Variants in CDH23 observed in about 807,000 individuals in gnomAD.
CDH23 encodes the protein cadherin related 23, also known as cadherin-23.
CDH23 carries 189 observed loss-of-function variants against 317.1 expected under a neutral mutation model. The ratio of observed to expected loss-of-function variants is 0.60; its 90% CI spans 0.53 to 0.67. CDH23 has a LOEUF of 0.67. CDH23 is among the 30% of genes least tolerant of loss of function. The pLI is 0.00. For synonymous variants in CDH23, 1,839 were observed against 1,876.8 expected, an observed-to-expected ratio of 0.98 and a Z score of 0.52; for missense variants, 4,401 against 4,592.4, an observed-to-expected ratio of 0.96 and a Z score of 1.20.
intron 38 of CDH23, among the ~76,000 whole-genome samples, chr10:71,764,138 G>A (rs1840469849): frequency 6.6e-6 from 1 of 152,234 alleles, no homozygotes; most frequent in Non-Finnish European, 1.5e-5. Context: ...CAAAGTTCCA[G>A]AGGGTATGAT....
intron 21 of CDH23, among the ~76,000 whole-genome samples, chr10:71,694,703 GGAAC>G (rs1263241021): frequency 6.6e-6 from 1 of 152,120 alleles, no homozygotes; most frequent in Non-Finnish European, 1.5e-5. Context: ...GAAAGCTAGA[GGAAC>G]GAAACGTGGG....
At chr10:71,498,638 G>A (rs1329617083) in intron 3 of CDH23, among the ~76,000 whole-genome samples, 2 of 152,248 alleles carry the variant, frequency 1.3e-5, no homozygotes, top group Non-Finnish European at 2.9e-5. Context: ...GATGTCAACA[G>A]GAGGGTCACT....
intron 3 of CDH23, among the ~76,000 whole-genome samples, chr10:71,483,573 A>G (rs1852183853): frequency 6.6e-6 from 1 of 152,030 alleles, no homozygotes; most frequent in African/African-American, 2.4e-5. Flanking sequence ...ACTAGCTCCC[A>G]CGTGCAAGTG....
In CDH23 at chr10:71,777,703, C is replaced by G; in HGVS notation, c.4869C>G (p.Thr1623=). The G allele has an allele frequency of 6.2e-7, 1 of 1,612,828 alleles. No individual in the cohort carries two copies. The highest frequency in any genetic ancestry group is 1.3e-5 in the African/African-American group (1 of 74,988). Residue 1623 remains threonine, a synonymous_variant, in exon 39 of 70, where the codon ACC becomes ACG. Transcript: ENST00000224721. Reference sequence around the variant, plus strand: ...AGGCCACCACGCACGTGTACGTGACCATTGTGGATGAGAATGATAACGCGC... The same window carrying G: ...AGGCCACCACGCACGTGTACGTGACGATTGTGGATGAGAATGATAACGCGC... ...TLSATTHVYV[T]IVDENDNAPM... is the part of the protein sequence containing the mutation.
chr10:71,799,684 G>C, intron 52 of CDH23, 55 bp downstream of exon 52: 2 of 1,611,714 alleles, frequency 1.2e-6, no homozygotes, highest in Non-Finnish European at 1.7e-6. Flanking sequence ...CAGGGTCAGA[G>C]ACTGAGCAGC....
chr10:71,554,429 C>A (rs973429600), intron 6 of CDH23, among the ~76,000 whole-genome samples: 14 of 151,640 alleles, frequency 9.2e-5, no homozygotes, highest in Non-Finnish European at 1.3e-4. Flanking sequence ...AACTCCTGGG[C>A]TCTAGCAATC....
chr10:71,780,658 T>C (rs1046880254), intron 41 of CDH23, among the ~76,000 whole-genome samples: 1 of 152,184 alleles, frequency 6.6e-6, no homozygotes, highest in African/African-American at 2.4e-5. Flanking sequence ...GCGTGGCTTT[T>C]GCTCTGAGGT....
In CDH23 at chr10:71,773,635, G is replaced by A. The variant is rs374723335; in HGVS notation, c.4846-4045G>A. Reference sequence around the variant, plus strand: ...GGGGAACTGCCTCTCCGAGGGCCGCGTGGGAGGGGCTTCCCGGAGGCCGGC... The same window carrying A: ...GGGGAACTGCCTCTCCGAGGGCCGCATGGGAGGGGCTTCCCGGAGGCCGGC... On this transcript the variant is annotated intron_variant, in intron 38 of 69. Transcript: ENST00000224721. 5.7e-5 allele frequency: 27 copies of A among 475,106 alleles called. No homozygotes were observed. The East Asian group carries it at 9.8e-4, about 17-fold the overall frequency. The allele number at this position is 475,106 out of a possible 1,614,324, so 29.4% of individuals were successfully genotyped here.
rs150040965 is a variant in CDH23 at position 71,578,686 on chromosome 10, A to G, written c.832+694A>G. On this transcript the variant is annotated intron_variant, in intron 9 of 69. Transcript: ENST00000224721. ...AAGGTTGCCTTGAGGATGTGGTGAC[A>G]GGCTGCTCGCCCACAGACTCTGGCT... Among the ~76,000 whole-genome samples the G allele has an allele frequency of 8.6e-3, 1,303 of 151,172 alleles. 17 individuals carry two copies. Among genetic ancestry groups the G allele is most frequent in the African/African-American group, 0.029 (1,194 of 41,020 alleles).
chr10:71,578,086 G>T, intron 9 of CDH23, 94 bp downstream of exon 9: 1 of 1,274,738 alleles, frequency 7.8e-7, no homozygotes, highest in Non-Finnish European at 1.1e-6. Flanking sequence ...GCTAAGGAGA[G>T]GTCTGCGGGC....
rs1865885471 is a variant in CDH23 at position 71,709,116 on chromosome 10, A to T, written c.3125A>T (p.Lys1042Met). 6 of 1,613,874 alleles carry T rather than the reference A, an allele frequency of 3.7e-6. No homozygotes were observed. In the East Asian group the frequency reaches 1.3e-4, roughly 36 times the overall value. Residue 1042 changes from lysine to methionine, a missense_variant, in exon 27 of 70, where the codon AAG (lysine) becomes ATG (methionine). This residue lies in a region of CDH23 where 3,068 missense variants were observed against 3,203.3 expected (regional missense o/e 0.96). Transcript: ENST00000224721. ...CCCACAGGTGGCAACGTGGATGGGAAGTTCAGCGTGGGTTACCGCGATGCC... is the reference window on the plus strand; with the variant it reads ...CCCACAGGTGGCAACGTGGATGGGATGTTCAGCGTGGGTTACCGCGATGCC... ...YFITGGNVDG[K>M]FSVGYRDAVV...
At chr10:71,398,866 G>A (rs1343272236) in intron 1 of CDH23, among the ~76,000 whole-genome samples, 2 of 152,136 alleles carry the variant, frequency 1.3e-5, no homozygotes, top group African/African-American at 2.4e-5. Flanking sequence ...GCTCTGCCTC[G>A]AGTGCTGGAG....
intron 38 of CDH23, chr10:71,752,063 A>G: frequency 1.4e-6 from 1 of 706,230 alleles, no homozygotes. Flanking sequence ...TCCTGAGCTG[A>G]GGGCATCAGG....
Position 71,815,319 on chromosome 10 carries a change from A to G in CDH23, c.*41A>G, listed in dbSNP as rs1002312290. 2 of 1,487,668 alleles carry G rather than the reference A, an allele frequency of 1.3e-6. No homozygotes were observed. Among genetic ancestry groups the G allele is most frequent in the African/African-American group, 2.8e-5 (2 of 71,200 alleles). 92.2% of individuals were successfully genotyped at this position (1,487,668 alleles called of 1,614,324 possible). A position where few individuals can be genotyped will look rare whatever the true frequency, so the allele number is the denominator to read the frequency against. ...TTGTGGGTGTGAGCAGCACCCATCC[A>G]CCGTCCCCTCCCAGGGAGCAAGGGC... On this transcript the variant is annotated 3_prime_UTR_variant, in exon 70 of 70. Transcript: ENST00000224721.
chr10:71,781,304 G>A (rs761663733), intron 41 of CDH23, among the ~76,000 whole-genome samples: 17 of 152,310 alleles, frequency 1.1e-4, no homozygotes, highest in Middle Eastern at 3.4e-3. Context: ...CACTCTGTTC[G>A]GACATGCTAC....
chr10:71,495,321 G>A (rs1298764241), intron 3 of CDH23, among the ~76,000 whole-genome samples: 5 of 152,098 alleles, frequency 3.3e-5, no homozygotes, highest in African/African-American at 4.8e-5. Context: ...GACCTCCTTC[G>A]CGGCAGGAGG....
At chr10:71,544,066 A>G (rs555105353) in intron 6 of CDH23, among the ~76,000 whole-genome samples, 1 of 152,336 alleles carries the variant, frequency 6.6e-6, no homozygotes, top group Admixed American at 6.5e-5. Flanking sequence ...AGGATAGGAT[A>G]AGGAGGCAGG....
intron 4 of CDH23, among the ~76,000 whole-genome samples, chr10:71,510,514 C>T (rs1007630902): frequency 2.4e-4 from 36 of 152,120 alleles, no homozygotes; most frequent in Non-Finnish European, 4.0e-4. Context: ...ATGGAGGGTA[C>T]AAGTCTACCC....
intron 3 of CDH23, among the ~76,000 whole-genome samples, chr10:71,453,675 C>T (rs1419142737): frequency 6.6e-6 from 1 of 152,230 alleles, no homozygotes; most frequent in Non-Finnish European, 1.5e-5. Flanking sequence ...GGGTGGAGAA[C>T]CACAGTGGGA....
Sources: allele counts gnomAD v4.1 joint callset (sites outside exome capture counted in the v4.1 genomes callset), GRCh38; gene constraint gnomAD v4.1.1; regional missense constraint gnomAD v4.1.1; transcripts MANE v1.5; gene names NCBI Gene and HGNC (gene_info 2026-07-23, HGNC 2026-07-21).